Variants in GRIN2A observed in about 807,000 individuals in gnomAD.
The protein encoded by GRIN2A is glutamate ionotropic receptor NMDA type subunit 2A, also known as glutamate receptor ionotropic, NMDA 2A.
Under a neutral mutation model 113.4 loss-of-function variants are expected in GRIN2A, and 22 were observed. The ratio of observed to expected loss-of-function variants is 0.19; its 90% confidence interval spans 0.14 to 0.28. The LOEUF is 0.28. Ranked by LOEUF, GRIN2A falls within the 10% of genes least tolerant of loss-of-function variation. The pLI is 1.00. For missense variants in GRIN2A, 1,502 were observed against 1,887.0 expected (o/e 0.80, Z 3.78); for synonymous variants, 827 against 738.4 (o/e 1.12, Z -1.94).
At chr16:9,876,514 C>A (rs1423879962) in intron 4 of GRIN2A, among the ~76,000 whole-genome samples, 3 of 152,154 alleles carry the variant, frequency 2.0e-5, no homozygotes, top group Admixed American at 6.6e-5. Flanking sequence ...CTGGACCCAC[C>A]TTATATACTC....
intron 2 of GRIN2A, among the ~76,000 whole-genome samples, chr16:10,052,136 CA>C (rs2047369920): frequency 6.6e-6 from 1 of 152,282 alleles, no homozygotes; most frequent in Admixed American, 6.5e-5. Flanking sequence ...TCAGGAAATT[CA>C]AGAGGTCATT....
intron 2 of GRIN2A, among the ~76,000 whole-genome samples, chr16:10,155,653 G>A (rs1477385495): frequency 2.0e-5 from 3 of 152,176 alleles, no homozygotes; most frequent in Admixed American, 6.5e-5. Context: ...ATCGGAGACT[G>A]GTAACTTATA....
intron 2 of GRIN2A, among the ~76,000 whole-genome samples, chr16:10,158,876 C>T (rs966112574): frequency 6.6e-6 from 1 of 152,168 alleles, no homozygotes; most frequent in African/African-American, 2.4e-5. Flanking sequence ...CTAAACGCCA[C>T]TGAATTGTTC....
intron 2 of GRIN2A, among the ~76,000 whole-genome samples, chr16:9,992,303 G>A (rs2046132339): frequency 6.6e-6 from 1 of 152,138 alleles, no homozygotes; most frequent in Non-Finnish European, 1.5e-5. Flanking sequence ...AGCTGGATGA[G>A]GTAAAGAGGA....
intron 2 of GRIN2A, among the ~76,000 whole-genome samples, chr16:10,169,415 C>T (rs1312908963): frequency 6.6e-6 from 1 of 152,198 alleles, no homozygotes. Flanking sequence ...AATCCTGGAT[C>T]TCTATCATTG....
At chr16:10,034,278 A>T (rs1346861978) in intron 2 of GRIN2A, among the ~76,000 whole-genome samples, 1 of 152,052 alleles carries the variant, frequency 6.6e-6, no homozygotes, top group Non-Finnish European at 1.5e-5. Flanking sequence ...TAATCCTAGC[A>T]CTTCGGGAGG....
At position 9,754,225 on chromosome 16, in the gene GRIN2A, A is replaced by G. The variant is rs1900270418; in HGVS notation, c.*8924T>C. ...TAAACTATGGTGAATTCTGCCAATT[A>G]ATTCAGCAGGTTTATGCTTTTAAAT... On this transcript the variant is annotated 3_prime_UTR_variant, in exon 13 of 13. Transcript: ENST00000330684. 1 of 193,438 alleles carries G rather than the reference A, an allele frequency of 5.2e-6. No individual in the cohort carries two copies. The highest frequency in any genetic ancestry group is 1.1e-5 in the Non-Finnish European group (1 of 92,808). 12.0% of individuals were successfully genotyped at this position (193,438 alleles called of 1,614,324 possible).
At chr16:9,884,443 G>A (rs1017411088) in intron 4 of GRIN2A, among the ~76,000 whole-genome samples, 3 of 152,054 alleles carry the variant, frequency 2.0e-5, no homozygotes, top group Non-Finnish European at 4.4e-5. Context: ...CAGCTATTCG[G>A]GAGGCTGAGA....
intron 2 of GRIN2A, among the ~76,000 whole-genome samples, chr16:10,140,474 C>T (rs1382247733): frequency 6.6e-6 from 1 of 152,152 alleles, no homozygotes; most frequent in African/African-American, 2.4e-5. Flanking sequence ...CCCTGACTCT[C>T]AATCTAGTAA....
chr16:9,924,515 G>T (rs1239322192), intron 3 of GRIN2A, among the ~76,000 whole-genome samples: 1 of 152,106 alleles, frequency 6.6e-6, no homozygotes, highest in Non-Finnish European at 1.5e-5. Context: ...AACTGATTTT[G>T]AGAAATTTGA....
intron 2 of GRIN2A, among the ~76,000 whole-genome samples, chr16:10,051,658 G>C (rs771364366): frequency 1.3e-5 from 2 of 152,212 alleles, no homozygotes; most frequent in South Asian, 4.1e-4. Context: ...ACTTGGCAAA[G>C]AGAAAGGGTA....
intron 4 of GRIN2A, among the ~76,000 whole-genome samples, chr16:9,871,448 G>T (rs1367280310): frequency 6.7e-6 from 1 of 149,768 alleles, no homozygotes. Context: ...AAAAAAAAAG[G>T]TAAAACAACC....
At chr16:10,043,047 G>T (rs567075980) in intron 2 of GRIN2A, among the ~76,000 whole-genome samples, 50 of 152,316 alleles carry the variant, frequency 3.3e-4, no homozygotes, top group Middle Eastern at 3.4e-3. Flanking sequence ...TTTGAGTCAA[G>T]GTTCTCATAA....
intron 4 of GRIN2A, among the ~76,000 whole-genome samples, chr16:9,878,487 A>T (rs1475397309): frequency 1.3e-5 from 2 of 152,196 alleles, no homozygotes; most frequent in Non-Finnish European, 2.9e-5. Flanking sequence ...AATGCAGAGA[A>T]TGTTGGGAGA....
At chr16:10,023,621 G>A (rs2046765771) in intron 2 of GRIN2A, among the ~76,000 whole-genome samples, 1 of 152,210 alleles carries the variant, frequency 6.6e-6, no homozygotes, top group South Asian at 2.1e-4. Flanking sequence ...ACACCAAAAA[G>A]AGCCTTGGTA....
chr16:10,072,239 C>T (rs1049262621), intron 2 of GRIN2A, among the ~76,000 whole-genome samples: 2 of 152,180 alleles, frequency 1.3e-5, no homozygotes, highest in African/African-American at 4.8e-5. Flanking sequence ...ATTGGAGGTA[C>T]GTGCACATTC....
In GRIN2A at chr16:9,759,982, C is replaced by CAAA. The variant is rs1444201081; in HGVS notation, c.*3166_*3167insTTT. ...TATTACCCATGGACAGAGACCCAAC[C>CAAA]GTTTGCATTCAAGTGTACCTATCTG... On this transcript the variant is annotated 3_prime_UTR_variant, in exon 13 of 13. Coordinates refer to ENST00000330684, the MANE Select transcript of GRIN2A (RefSeq NM_001134407.3). 4 of 230,922 alleles carry CAAA rather than the reference C, an allele frequency of 1.7e-5. No individual in the cohort carries two copies. Among genetic ancestry groups the CAAA allele is most frequent in the Non-Finnish European group, 2.6e-5 (3 of 116,720 alleles). The allele number at this position is 230,922 out of a possible 1,614,324, so 14.3% of individuals were successfully genotyped here.
intron 2 of GRIN2A, among the ~76,000 whole-genome samples, chr16:10,118,887 A>G (rs2048777941): frequency 6.6e-6 from 1 of 152,340 alleles, no homozygotes; most frequent in Non-Finnish European, 1.5e-5. Flanking sequence ...ATGGAAGATC[A>G]GCATAAACAA....
chr16:9,827,021 G>A (rs1232715971), intron 9 of GRIN2A, among the ~76,000 whole-genome samples: 2 of 152,158 alleles, frequency 1.3e-5, no homozygotes, highest in Non-Finnish European at 2.9e-5. Context: ...TCTAGGAATT[G>A]CACTTTTGAT....
Sources: gnomAD v4.1 joint callset for allele counts (sites outside exome capture counted in the v4.1 genomes callset) on GRCh38, gnomAD v4.1.1 for gene constraint, MANE v1.5 for transcripts, NCBI Gene and HGNC (gene_info 2026-07-23, HGNC 2026-07-21) for gene names.